The following WDR26 variants were observed in gnomAD, a reference collection of about 807,000 sequenced individuals.
The protein encoded by WDR26 is WD repeat-containing protein 26.
Under a neutral mutation model 84.1 loss-of-function variants are expected in WDR26, and 5 were observed. The observed-to-expected ratio is 0.06, with a 90% CI of 0.03 to 0.13. The LOEUF is 0.13. WDR26 is among the 10% of genes least tolerant of loss of function. WDR26 has a pLI of 1.00. For missense variants in WDR26, 642 were observed against 974.9 expected (o/e 0.66, Z 4.55); for synonymous variants, 415 against 389.6 (o/e 1.07, Z -0.77).
intron 8 of WDR26, 53 bp from the exon 9 acceptor site, chr1:224,401,122 AT>A: frequency 6.5e-7 from 1 of 1,530,894 alleles, no homozygotes; most frequent in Non-Finnish European, 8.8e-7. Flanking sequence ...CTCTAAAGGA[AT>A]TATGTGAGAA....
At chr1:224,394,665 C>T (rs1368567692) in intron 12 of WDR26, among the ~76,000 whole-genome samples, 1 of 151,980 alleles carries the variant, frequency 6.6e-6, no homozygotes, top group African/African-American at 2.4e-5. Flanking sequence ...TGACCATGCC[C>T]GGCTAATTTT....
Position 224,434,630 on chromosome 1 carries a change from G to T in WDR26, c.-225C>A. On this transcript the variant is annotated 5_prime_UTR_variant, in exon 1 of 14. Coordinates refer to ENST00000414423, the MANE Select transcript of WDR26 (RefSeq NM_001379403.1). ...CGGCCCGGGGGTCGCGCCGGGGGGC[G>T]CCGCGGGGCGGCTGCGGGGGCGCGG... 1.7e-6 allele frequency: 1 copy of T among 605,586 alleles called. No individual in the cohort carries two copies. Among genetic ancestry groups the T allele is most frequent in the Non-Finnish European group, 2.1e-6 (1 of 487,742 alleles). 37.5% of individuals were successfully genotyped at this position (605,586 alleles called of 1,614,324 possible).
rs763172974 is a variant in WDR26, at chr1:224,419,584, G to A, written c.1096C>T (p.Arg366Cys). The A allele has an allele frequency of 1.2e-6, 2 of 1,613,764 alleles. No homozygotes were observed. The highest frequency in any genetic ancestry group is 1.7e-6 in the Non-Finnish European group (2 of 1,179,888). The change falls in exon 5 of 14, where the codon CGT becomes TGT. Residue 366 changes from arginine to cysteine, a missense_variant. Transcript: ENST00000414423. The stretch of plus-strand genomic sequence containing the variant: ...TTGCCTTCCCATTCTGCTTTTGCAC[G>A]TAGGTCTTCTGCATGGCTACACATC...
At chr1:224,417,884 CTGT>C (rs1482803982) in intron 6 of WDR26, among the ~76,000 whole-genome samples, 1 of 152,162 alleles carries the variant, frequency 6.6e-6, no homozygotes, top group African/African-American at 2.4e-5. Flanking sequence ...AAGTTAATAG[CTGT>C]TGTTCTAGCC....
rs1553364464 is a variant in WDR26 at position 224,434,684 on chromosome 1, T to TGGCTGC, written c.-285_-280dup. On this transcript the variant is annotated 5_prime_UTR_variant, in exon 1 of 14. Transcript: ENST00000414423. ...CCGCCGCTGGGCTGAGCCCCGGCAG[T>TGGCTGC]GGCTGCGGCGGCGGCGGCGGCGGGC... 2.3e-6 allele frequency: 2 copies of TGGCTGC among 875,858 alleles called. No individual in the cohort carries two copies. Among genetic ancestry groups the TGGCTGC allele is most frequent in the Middle Eastern group, 5.8e-4 (1 of 1,734 alleles). 54.3% of individuals were successfully genotyped at this position (875,858 alleles called of 1,614,324 possible). A position where few individuals can be genotyped will look rare whatever the true frequency, so the allele number is the denominator to read the frequency against.
Position 224,389,552 on chromosome 1 carries a change from C to T in WDR26, c.*283G>A, listed in dbSNP as rs1241123341. The T allele has an allele frequency of 1.3e-5, 7 of 536,076 alleles. No individual in the cohort carries two copies. Among genetic ancestry groups the T allele is most frequent in the Non-Finnish European group, 2.3e-5 (7 of 309,654 alleles). The allele number at this position is 536,076 out of a possible 1,614,324, so 33.2% of individuals were successfully genotyped here. A position where few individuals can be genotyped will look rare whatever the true frequency, so the allele number is the denominator to read the frequency against. On this transcript the variant is annotated 3_prime_UTR_variant, in exon 14 of 14. Coordinates refer to ENST00000414423, the MANE Select transcript of WDR26 (RefSeq NM_001379403.1). ...GACAGGAAGGAAAAAAATATATATA[C>T]TGAGTTCAATGGGTAAGCCTGAATG...
intron 4 of WDR26, among the ~76,000 whole-genome samples, chr1:224,420,297 G>A (rs1234245303): frequency 6.6e-6 from 1 of 152,196 alleles, no homozygotes; most frequent in Non-Finnish European, 1.5e-5. Flanking sequence ...GAATACATGA[G>A]GGGCCCCTGC....
chr1:224,410,574 G>A (rs1209594189), intron 7 of WDR26, among the ~76,000 whole-genome samples: 1 of 151,958 alleles, frequency 6.6e-6, no homozygotes, highest in East Asian at 1.9e-4. Flanking sequence ...AGGGGGAAAG[G>A]ATTACACAAC....
intron 4 of WDR26, among the ~76,000 whole-genome samples, chr1:224,420,711 T>C (rs1674035673): frequency 6.6e-6 from 1 of 152,242 alleles, no homozygotes; most frequent in Non-Finnish European, 1.5e-5. Context: ...AAAAAACTTA[T>C]TTAATAATGT....
At chr1:224,424,937 C>A (rs1186650543) in intron 3 of WDR26, among the ~76,000 whole-genome samples, 1 of 152,156 alleles carries the variant, frequency 6.6e-6, no homozygotes, top group Non-Finnish European at 1.5e-5. Context: ...AAAATGAATT[C>A]TCCTCTCAAA....
In WDR26 at chr1:224,420,961, A is replaced by C. The variant is rs1230997015; in HGVS notation, c.1065-1346T>G. Among the ~76,000 whole-genome samples, 3 of 152,186 alleles carry C rather than the reference A, an allele frequency of 2.0e-5. No homozygotes were observed. The East Asian group carries it at 5.8e-4, about 29-fold the overall frequency. ...CTTTTTTTGGGCAAAGTTTATTATC[A>C]ATAATTATATTTTAAAATGTTCATT... is the stretch of plus-strand genomic sequence containing the variant. On this transcript the variant is annotated intron_variant, in intron 4 of 13. Coordinates refer to ENST00000414423, the MANE Select transcript of WDR26 (RefSeq NM_001379403.1).
In WDR26 at chr1:224,387,709, T is replaced by C. The variant is rs1673020813; in HGVS notation, c.*2126A>G. 1 of 152,506 alleles carries C rather than the reference T, an allele frequency of 6.6e-6. No homozygotes were observed. The highest frequency in any genetic ancestry group is 1.9e-4 in the East Asian group (1 of 5,196). The allele number at this position is 152,506 out of a possible 1,614,324, so 9.4% of individuals were successfully genotyped here. Reference sequence around the variant, plus strand: ...ACCAAATTTGTAAACAGCTGTGGAGTTTCTATGCCCACATTTAGTGATGTT... The same window carrying C: ...ACCAAATTTGTAAACAGCTGTGGAGCTTCTATGCCCACATTTAGTGATGTT... On this transcript the variant is annotated 3_prime_UTR_variant, in exon 14 of 14. Coordinates refer to ENST00000414423, the MANE Select transcript of WDR26 (RefSeq NM_001379403.1).
Position 224,418,300 on chromosome 1 carries a change from GATT to G in WDR26, c.1276_1278del (p.Asn426del), listed in dbSNP as rs749591101. On this transcript the variant is annotated inframe_deletion, in exon 6 of 14. Coordinates refer to ENST00000414423, the MANE Select transcript of WDR26 (RefSeq NM_001379403.1). The stretch of plus-strand genomic sequence containing the variant: ...TCTATAAGCAGAGACACAGAATCTA[GATT>G]ATTATCAAGTTTGGTATTGTGATAT... The G allele has an allele frequency of 1.2e-6, 2 of 1,613,322 alleles. No homozygotes were observed. Among genetic ancestry groups the G allele is most frequent in the Non-Finnish European group, 1.7e-6 (2 of 1,179,624 alleles).
chr1:224,413,366 T>G lies in WDR26; in HGVS notation c.1320-1801A>C, dbSNP rs947518381. Reference sequence around the variant, plus strand: ...ACAAAATATACATTTAAAAATAAATTAACATTCTTTATTTGGTACACATGG... The same window carrying G: ...ACAAAATATACATTTAAAAATAAATGAACATTCTTTATTTGGTACACATGG... On this transcript the variant is annotated intron_variant, in intron 6 of 13. Coordinates refer to ENST00000414423, the MANE Select transcript of WDR26 (RefSeq NM_001379403.1). 1.2e-5 allele frequency: 14 copies of G among 1,147,106 alleles called. No homozygotes were observed. In the Admixed American group the frequency reaches 2.0e-4, roughly 16 times the overall value. 71.1% of individuals were successfully genotyped at this position (1,147,106 alleles called of 1,614,324 possible).
chr1:224,432,774 T>TC (rs748547860), intron 1 of WDR26, among the ~76,000 whole-genome samples: 1 of 152,148 alleles, frequency 6.6e-6, no homozygotes, highest in Admixed American at 6.5e-5. Context: ...CTGCACGTCC[T>TC]CCCCCCTTCA....
chr1:224,391,209 A>C (rs556700115), intron 13 of WDR26, among the ~76,000 whole-genome samples: 1 of 151,982 alleles, frequency 6.6e-6, no homozygotes, highest in Non-Finnish European at 1.5e-5. Context: ...TTTACTAAAA[A>C]TACAAAATTA....
intron 3 of WDR26, among the ~76,000 whole-genome samples, chr1:224,428,387 G>A (rs1281737180): frequency 6.6e-6 from 1 of 152,060 alleles, no homozygotes; most frequent in African/African-American, 2.4e-5. Context: ...TCAGAGAAAA[G>A]GGGAAATAAA....
chr1:224,404,617 A>G (rs1199532150), intron 7 of WDR26, 47 bp from the exon 8 acceptor site: 3 of 1,559,690 alleles, frequency 1.9e-6, no homozygotes, highest in East Asian at 2.3e-5. Context: ...CACTAAAGTC[A>G]TTGTTTCCCA....
intron 7 of WDR26, among the ~76,000 whole-genome samples, chr1:224,410,065 G>T (rs777676960): frequency 4.6e-5 from 7 of 151,988 alleles, no homozygotes; most frequent in Non-Finnish European, 1.0e-4. Flanking sequence ...CAGATCACCT[G>T]AGGTCAGGAG....
Sources: gnomAD v4.1 joint callset for allele counts (sites outside exome capture counted in the v4.1 genomes callset) on GRCh38, gnomAD v4.1.1 for gene constraint, MANE v1.5 for transcripts, NCBI Gene and HGNC (gene_info 2026-07-23, HGNC 2026-07-21) for gene names.